The following EXOC6B variants were observed in gnomAD, a reference collection of about 807,000 sequenced individuals.
The protein encoded by EXOC6B is exocyst complex component 6B, also known as SEC15 homolog B.
In EXOC6B, 54 loss-of-function variants were observed where a neutral mutation model predicts 113.5. That is an observed-to-expected ratio of 0.48 (90% CI 0.38 to 0.60). EXOC6B has a LOEUF of 0.60. EXOC6B is among the 20% of genes least tolerant of loss of function. EXOC6B has a pLI of 0.00. For missense variants in EXOC6B, 797 were observed against 977.5 expected (o/e 0.82, Z 2.46); for synonymous variants, 357 against 339.0 (o/e 1.05, Z -0.58).
intron 20 of EXOC6B, among the ~76,000 whole-genome samples, chr2:72,253,931 C>A (rs189630267): frequency 6.6e-6 from 1 of 152,060 alleles, no homozygotes; most frequent in East Asian, 1.9e-4. Context: ...GAGGCTGAGG[C>A]GGGTGGATCA....
chr2:72,311,392 T>C (rs893302034), intron 20 of EXOC6B, among the ~76,000 whole-genome samples: 1 of 152,160 alleles, frequency 6.6e-6, no homozygotes, highest in Non-Finnish European at 1.5e-5. Context: ...CCAGCCTTTA[T>C]AGAGGCCACC....
intron 19 of EXOC6B, among the ~76,000 whole-genome samples, chr2:72,361,423 C>T (rs1308928874): frequency 6.6e-6 from 1 of 152,102 alleles, no homozygotes; most frequent in Non-Finnish European, 1.5e-5. Flanking sequence ...ATGTTTCTCA[C>T]CAGGGTCCTC....
chr2:72,808,486 T>C (rs988839235), intron 1 of EXOC6B, among the ~76,000 whole-genome samples: 6 of 152,110 alleles, frequency 3.9e-5, no homozygotes, highest in African/African-American at 1.2e-4. Context: ...AGGGCAAGCA[T>C]GGTGGCTCAT....
At chr2:72,700,409 T>C (rs1386950912) in intron 6 of EXOC6B, among the ~76,000 whole-genome samples, 1 of 152,216 alleles carries the variant, frequency 6.6e-6, no homozygotes, top group Non-Finnish European at 1.5e-5. Flanking sequence ...ATCTTCTTAC[T>C]AAGCTAACAG....
chr2:72,537,616 G>C (rs1224050311), intron 8 of EXOC6B, among the ~76,000 whole-genome samples: 3 of 152,086 alleles, frequency 2.0e-5, no homozygotes, highest in African/African-American at 4.8e-5. Context: ...CTGGGCAACA[G>C]AGTGAGACCC....
intron 11 of EXOC6B, among the ~76,000 whole-genome samples, chr2:72,506,744 T>A (rs1268738290): frequency 6.6e-6 from 1 of 152,184 alleles, no homozygotes; most frequent in Non-Finnish European, 1.5e-5. Flanking sequence ...CCATTCTATT[T>A]GTTTATTGTT....
intron 6 of EXOC6B, among the ~76,000 whole-genome samples, chr2:72,680,927 G>T (rs938880417): frequency 1.3e-5 from 2 of 152,080 alleles, no homozygotes; most frequent in African/African-American, 4.8e-5. Context: ...TTAGTTAGAG[G>T]TTTATCGCTC....
rs147459711 is a variant in EXOC6B at position 72,330,639 on chromosome 2, T to A, written c.2196+4308A>T. Among the ~76,000 whole-genome samples the A allele has an allele frequency of 2.6e-3, 397 of 152,220 alleles. 2 individuals are homozygous for A. Among genetic ancestry groups the A allele is most frequent in the African/African-American group, 9.0e-3 (375 of 41,562 alleles). On this transcript the variant is annotated intron_variant, in intron 20 of 21. Transcript: ENST00000272427. ...ACATAGGCCTCTCTACTTCACGGCC[T>A]CTTTTTGCACTTATAGGTACAAACT...
Position 72,480,681 on chromosome 2 carries a change from T to C in EXOC6B, c.1735A>G (p.Asn579Asp). The change falls in exon 17 of 22, where the codon AAC becomes GAC. Residue 579 changes from asparagine (N) to aspartate (D), a missense_variant. Physicochemically the swap from Asn to Asp is conservative, Grantham distance 23. Coordinates refer to ENST00000272427, the MANE Select transcript of EXOC6B (RefSeq NM_015189.3). ...SCKYLEEFIT[N>D]ITNVLPETVH... is the part of the protein sequence containing the mutation. ...GTCTCTGGAAGCACATTAGTGATGT[T>C]GGTGATAAATTCTTCCAAGTACTTA... The C allele has an allele frequency of 6.3e-7, 1 of 1,593,860 alleles. No homozygotes were observed. The highest frequency in any genetic ancestry group is 8.6e-7 in the Non-Finnish European group (1 of 1,168,862).
intron 20 of EXOC6B, among the ~76,000 whole-genome samples, chr2:72,280,927 A>G (rs1448710274): frequency 1.3e-5 from 2 of 152,110 alleles, no homozygotes; most frequent in East Asian, 1.9e-4. Context: ...AAAACAGCCT[A>G]TTGGCATAGG....
At chr2:72,578,936 A>C (rs982243365) in intron 6 of EXOC6B, among the ~76,000 whole-genome samples, 22 of 152,288 alleles carry the variant, frequency 1.4e-4, no homozygotes, top group African/African-American at 5.3e-4. Flanking sequence ...TTTCAATGTT[A>C]GAGAAACAAT....
intron 18 of EXOC6B, among the ~76,000 whole-genome samples, chr2:72,438,473 G>A (rs949096140): frequency 5.3e-5 from 8 of 152,240 alleles, no homozygotes; most frequent in South Asian, 2.1e-4. Flanking sequence ...GTTAACTGTC[G>A]TGGCATGTGC....
At chr2:72,637,118 G>A (rs1361391597) in intron 6 of EXOC6B, among the ~76,000 whole-genome samples, 1 of 152,144 alleles carries the variant, frequency 6.6e-6, no homozygotes, top group Non-Finnish European at 1.5e-5. Flanking sequence ...AACAAGTTAT[G>A]TACAGAATGG....
intron 20 of EXOC6B, among the ~76,000 whole-genome samples, chr2:72,260,701 TA>T (rs1683661870): frequency 6.6e-6 from 1 of 152,110 alleles, no homozygotes; most frequent in South Asian, 2.1e-4. Flanking sequence ...TTCCTTGTAA[TA>T]GCCGCAATTC....
chr2:72,588,192 G>T (rs932785552), intron 6 of EXOC6B, among the ~76,000 whole-genome samples: 49 of 151,970 alleles, frequency 3.2e-4, no homozygotes, highest in Non-Finnish European at 2.6e-4. Flanking sequence ...AATATCCAAA[G>T]AATTTAAAGC....
At chr2:72,485,721 G>T (rs1699391248) in intron 16 of EXOC6B, among the ~76,000 whole-genome samples, 1 of 152,136 alleles carries the variant, frequency 6.6e-6, no homozygotes, top group Non-Finnish European at 1.5e-5. Context: ...CAAGAGAGAG[G>T]GGAGATAAAT....
At chr2:72,272,111 T>C (rs1447945473) in intron 20 of EXOC6B, among the ~76,000 whole-genome samples, 1 of 152,158 alleles carries the variant, frequency 6.6e-6, no homozygotes, top group Admixed American at 6.6e-5. Flanking sequence ...TTCCTATTGC[T>C]TTATCAGGGA....
chr2:72,647,427 A>G (rs1673814364), intron 6 of EXOC6B, among the ~76,000 whole-genome samples: 1 of 152,184 alleles, frequency 6.6e-6, no homozygotes, highest in African/African-American at 2.4e-5. Context: ...GAAAACAACT[A>G]CTTTAAAGTT....
At chr2:72,390,475 AT>A (rs1191833558) in intron 18 of EXOC6B, among the ~76,000 whole-genome samples, 4 of 152,266 alleles carry the variant, frequency 2.6e-5, no homozygotes, top group African/African-American at 9.6e-5. Context: ...CAAATTTTTT[AT>A]TGAATACTGG....
Sources: allele counts gnomAD v4.1 joint callset (sites outside exome capture counted in the v4.1 genomes callset), GRCh38; gene constraint gnomAD v4.1.1; transcripts MANE v1.5; gene names NCBI Gene and HGNC (gene_info 2026-07-23, HGNC 2026-07-21).